Variants in CACNA2D1 observed in about 807,000 individuals in gnomAD.
The protein encoded by CACNA2D1 is calcium voltage-gated channel auxiliary subunit alpha2delta 1, also known as voltage-dependent calcium channel subunit alpha-2/delta-1.
A neutral mutation model predicts 171.5 loss-of-function variants in CACNA2D1; 53 were observed. The ratio of observed to expected loss-of-function variants is 0.31; its 90% CI spans 0.25 to 0.39. CACNA2D1 has a LOEUF of 0.39. Among genes scored for constraint, CACNA2D1 ranks in the 10% least tolerant of loss-of-function variants. The pLI is 1.00. For synonymous variants in CACNA2D1, 442 were observed against 443.1 expected, an observed-to-expected ratio of 1.00 and a Z score of 0.03; for missense variants, 903 against 1,299.8, an observed-to-expected ratio of 0.69 and a Z score of 4.69.
At chr7:82,058,135 A>G (rs1806169740) in intron 10 of CACNA2D1, among the ~76,000 whole-genome samples, 1 of 152,138 alleles carries the variant, frequency 6.6e-6, no homozygotes, top group Non-Finnish European at 1.5e-5. Context: ...TGAAGTGAAT[A>G]TTACGTATGG....
rs1804474634 is a variant in CACNA2D1 at position 82,242,833 on chromosome 7, TTAAA to T, written c.295-72228_295-72225del. Among the ~76,000 whole-genome samples the T allele has an allele frequency of 2.0e-5, 3 of 152,112 alleles. No homozygotes were observed. In the East Asian group the frequency reaches 5.8e-4, roughly 29 times the overall value. On this transcript the variant is annotated intron_variant, in intron 3 of 38. Transcript: ENST00000356860. ...CAATACTGAATTTATTGCAGAAAAA[TTAAA>T]TACTTTGTAAGAGCAAGAAAAAATG...
At chr7:82,294,716 C>A (rs1241382612) in intron 3 of CACNA2D1, among the ~76,000 whole-genome samples, 1 of 151,938 alleles carries the variant, frequency 6.6e-6, no homozygotes, top group East Asian at 1.9e-4. Flanking sequence ...TGAAGCCCAA[C>A]CATGTAGAAG....
At chr7:82,277,873 G>C (rs1033067971) in intron 3 of CACNA2D1, among the ~76,000 whole-genome samples, 1 of 150,508 alleles carries the variant, frequency 6.6e-6, no homozygotes, top group Non-Finnish European at 1.5e-5. Flanking sequence ...AGCCTCCCAA[G>C]TAGCTGGGAC....
At chr7:82,039,441 T>C (rs1379747881) in intron 10 of CACNA2D1, among the ~76,000 whole-genome samples, 2 of 152,312 alleles carry the variant, frequency 1.3e-5, no homozygotes, top group East Asian at 1.9e-4. Context: ...AACAGTTATA[T>C]AGTGTCTACT....
At position 82,332,566 on chromosome 7, in the gene CACNA2D1, G is replaced by GA. The variant is rs1182049378; in HGVS notation, c.294+2568dup. Among the ~76,000 whole-genome samples the GA allele has an allele frequency of 5.0e-5, 7 of 141,398 alleles. No homozygotes were observed. The East Asian group carries it at 1.4e-3, about 28-fold the overall frequency. 92.8% of individuals were successfully genotyped at this position (141,398 alleles called of 152,430 possible). On this transcript the variant is annotated intron_variant, in intron 3 of 38. Transcript: ENST00000356860. ...AGAAAGAAAGAAAGAAAGAAAGAAA[G>GA]AACGAACAGAAAATTTTTGAGGGTC...
intron 4 of CACNA2D1, among the ~76,000 whole-genome samples, chr7:82,141,580 C>T (rs943108452): frequency 4.6e-5 from 7 of 151,994 alleles, no homozygotes; most frequent in African/African-American, 1.2e-4. Flanking sequence ...CTCCGTGCTA[C>T]GTATTGGAGA....
intron 38 of CACNA2D1, among the ~76,000 whole-genome samples, chr7:81,951,967 G>GTTTTTTTTTTTTTTTTTTT: frequency 3.6e-5 from 1 of 27,534 alleles, no homozygotes; most frequent in African/African-American, 1.6e-4. Context: ...AGTGTACAAA[G>GTTTTTTTTTTTTTTTTTTT]TGTTTTTTTT....
intron 4 of CACNA2D1, among the ~76,000 whole-genome samples, chr7:82,158,999 T>C (rs1486017579): frequency 2.0e-5 from 3 of 151,930 alleles, no homozygotes. Flanking sequence ...GCTCTCTGTA[T>C]TGCTGTACTG....
chr7:82,402,163 A>T (rs191196916), intron 1 of CACNA2D1, among the ~76,000 whole-genome samples: 1 of 152,330 alleles, frequency 6.6e-6, no homozygotes, highest in Non-Finnish European at 1.5e-5. Context: ...AGAAGATGAC[A>T]TTCACAAGGA....
intron 15 of CACNA2D1, among the ~76,000 whole-genome samples, chr7:82,008,171 A>G (rs904134027): frequency 6.6e-6 from 1 of 152,164 alleles, no homozygotes; most frequent in East Asian, 1.9e-4. Context: ...CCCTTTTTGT[A>G]GCCTTATTCT....
At chr7:82,111,042 A>G (rs1788315460) in intron 6 of CACNA2D1, among the ~76,000 whole-genome samples, 1 of 152,066 alleles carries the variant, frequency 6.6e-6, no homozygotes, top group South Asian at 2.1e-4. Context: ...GGTCCTTAAT[A>G]AGTATTTGCT....
At chr7:82,255,632 A>G (rs949030021) in intron 3 of CACNA2D1, among the ~76,000 whole-genome samples, 1 of 152,182 alleles carries the variant, frequency 6.6e-6, no homozygotes, top group African/African-American at 2.4e-5. Flanking sequence ...TTGAGCCTGG[A>G]ATTAGAACAA....
chr7:82,256,365 G>T (rs1371758677), intron 3 of CACNA2D1, among the ~76,000 whole-genome samples: 1 of 152,102 alleles, frequency 6.6e-6, no homozygotes, highest in Non-Finnish European at 1.5e-5. Flanking sequence ...AGTTCTTGTG[G>T]AATGATTCCA....
chr7:82,397,226 C>T (rs1825835956), intron 1 of CACNA2D1, among the ~76,000 whole-genome samples: 1 of 152,106 alleles, frequency 6.6e-6, no homozygotes, highest in South Asian at 2.1e-4. Flanking sequence ...AGCTCCCTGC[C>T]CTCACATGTA....
At chr7:82,389,576 G>GC (rs1554537585) in intron 1 of CACNA2D1, among the ~76,000 whole-genome samples, 1 of 152,038 alleles carries the variant, frequency 6.6e-6, no homozygotes, top group Non-Finnish European at 1.5e-5. Flanking sequence ...TAGTCTCCCT[G>GC]CCCCCTGACA....
intron 3 of CACNA2D1, among the ~76,000 whole-genome samples, chr7:82,187,365 T>A (rs1161792027): frequency 6.6e-6 from 1 of 151,992 alleles, no homozygotes; most frequent in East Asian, 1.9e-4. Context: ...CTAAAAACAA[T>A]CTAACCTATA....
At chr7:82,177,531 G>A (rs1434811008) in intron 3 of CACNA2D1, among the ~76,000 whole-genome samples, 1 of 152,070 alleles carries the variant, frequency 6.6e-6, no homozygotes, top group East Asian at 1.9e-4. Flanking sequence ...ATTTGCTGAA[G>A]GTTTTGGAAA....
chr7:82,288,422 TACACACACACACACACAC>T (rs3054677), intron 3 of CACNA2D1, among the ~76,000 whole-genome samples: 3 of 147,274 alleles, frequency 2.0e-5, no homozygotes, highest in South Asian at 4.4e-4. Context: ...TTTGCTTCTA[TACACACACACACACACAC>T]ACACACACAC....
At chr7:82,439,306 T>C (rs980501686) in intron 1 of CACNA2D1, among the ~76,000 whole-genome samples, 5 of 152,068 alleles carry the variant, frequency 3.3e-5, no homozygotes, top group Non-Finnish European at 5.9e-5. Flanking sequence ...CCATATGTTA[T>C]GTTTTTGTAA....
Sources: gnomAD v4.1 joint callset for allele counts (sites outside exome capture counted in the v4.1 genomes callset) on GRCh38, gnomAD v4.1.1 for gene constraint, MANE v1.5 for transcripts, NCBI Gene and HGNC (gene_info 2026-07-23, HGNC 2026-07-21) for gene names.